The following KMT2C variants were observed in gnomAD, a reference collection of about 807,000 sequenced individuals.
KMT2C encodes lysine methyltransferase 2C.
In KMT2C, 88 loss-of-function variants were observed where a neutral mutation model predicts 507.9. The observed-to-expected ratio is 0.17, with a 90% confidence interval of 0.15 to 0.21. The LOEUF (loss-of-function observed/expected upper bound fraction) is 0.21. KMT2C is among the 10% of genes least tolerant of loss of function. KMT2C has a pLI of 1.00. For missense variants in KMT2C, 4,954 were observed against 5,957.8 expected, an observed-to-expected ratio of 0.83 and a Z score of 5.55; for synonymous variants, 2,049 against 2,080.8, an observed-to-expected ratio of 0.98 and a Z score of 0.42.
At chr7:152,143,069 A>C (rs1346565361) in intron 55 of KMT2C, among the ~76,000 whole-genome samples, 1 of 152,180 alleles carries the variant, frequency 6.6e-6, no homozygotes, top group African/African-American at 2.4e-5. Context: ...CAGTAAAAGC[A>C]CACTCCTCGA....
chr7:152,285,993 A>G (rs2096290238), intron 6 of KMT2C, among the ~76,000 whole-genome samples: 1 of 152,298 alleles, frequency 6.6e-6, no homozygotes, highest in Non-Finnish European at 1.5e-5. Flanking sequence ...AAGAAAAGAA[A>G]AGAAAATTCT....
chr7:152,136,734 G>A lies in KMT2C; in HGVS notation c.*98C>T. On this transcript the variant is annotated 3_prime_UTR_variant, in exon 59 of 59. Transcript: ENST00000262189. ...AGCTTTTTCAAAAAGTCATAAAACAGAAAACAAAAATCTCTTTCTGTCTGC... is the reference window on the plus strand; with the variant it reads ...AGCTTTTTCAAAAAGTCATAAAACAAAAAACAAAAATCTCTTTCTGTCTGC... 1 of 895,968 alleles carries A rather than the reference G, an allele frequency of 1.1e-6. No individual in the cohort carries two copies. The highest frequency in any genetic ancestry group is 1.8e-5 in the Admixed American group (1 of 54,216). 55.5% of individuals were successfully genotyped at this position (895,968 alleles called of 1,614,324 possible). A position where few individuals can be genotyped will look rare whatever the true frequency, so the allele number is the denominator to read the frequency against.
At chr7:152,261,976 C>T (rs1490301620) in intron 9 of KMT2C, among the ~76,000 whole-genome samples, 5 of 152,054 alleles carry the variant, frequency 3.3e-5, no homozygotes, top group Non-Finnish European at 5.9e-5. Context: ...CTTTTTCCCC[C>T]CAGGAGAGAA....
chr7:152,223,154 T>C (rs2094826864), intron 20 of KMT2C, among the ~76,000 whole-genome samples: 1 of 152,034 alleles, frequency 6.6e-6, no homozygotes, highest in Non-Finnish European at 1.5e-5. Flanking sequence ...GTAGCCAGAG[T>C]CCCAAGAATA....
chr7:152,417,587 T>C (rs1050212323), intron 1 of KMT2C, among the ~76,000 whole-genome samples: 6 of 152,226 alleles, frequency 3.9e-5, no homozygotes, highest in East Asian at 3.9e-4. Context: ...AATAAGCAAA[T>C]AGACATTAGA....
In KMT2C at chr7:152,221,986, C is replaced by G. The variant is rs2129146545; in HGVS notation, c.3499+15G>C. 1 of 1,574,304 alleles carries G rather than the reference C, an allele frequency of 6.4e-7. No homozygotes were observed. Among genetic ancestry groups the G allele is most frequent in the Middle Eastern group, 1.7e-4 (1 of 5,978 alleles). On this transcript the variant is annotated intron_variant, in intron 22 of 58. Coordinates refer to ENST00000262189, the MANE Select transcript of KMT2C (RefSeq NM_170606.3). ...AGTAAATTAATTAAATCAAGTAAAG[C>G]ATTTCAAATTTTACCTAGCTCTTTT...
Position 152,195,986 on chromosome 7 carries a change from A to G in KMT2C, c.4299T>C (p.Asp1433=), listed in dbSNP as rs758536426. 1.9e-6 allele frequency: 3 copies of G among 1,607,384 alleles called. No homozygotes were observed. Among genetic ancestry groups the G allele is most frequent in the Non-Finnish European group, 2.6e-6 (3 of 1,174,944 alleles). The change falls in exon 28 of 59, where the codon GAT becomes GAC. Residue 1433 remains aspartate (D), a synonymous_variant. Transcript: ENST00000262189. ...THGPADDPLA[D]ISEVLNTDDD... ...CATCTGTGTTTAAAACTTCAGAAAT[A>G]TCAGCTAATGGGTCATCAGCAGGAC...
At chr7:152,287,851 C>G (rs539833833) in intron 6 of KMT2C, among the ~76,000 whole-genome samples, 1 of 151,312 alleles carries the variant, frequency 6.6e-6, no homozygotes, top group East Asian at 2.0e-4. Flanking sequence ...TCATGAAACC[C>G]CATCTCTACT....
In KMT2C at chr7:152,254,579, C is replaced by T. The variant is rs2095614603; in HGVS notation, c.1300-1864G>A. On this transcript the variant is annotated intron_variant, in intron 9 of 58. Coordinates refer to ENST00000262189, the MANE Select transcript of KMT2C (RefSeq NM_170606.3). ...AAAGTAAAAATGGATGGGTATTTCT[C>T]TAATGTGACCAACATAAATACTTCA... Among the ~76,000 whole-genome samples, 5 of 152,132 alleles carry T rather than the reference C, an allele frequency of 3.3e-5. No individual in the cohort carries two copies. The South Asian group carries it at 1.0e-3, about 31-fold the overall frequency.
At position 152,280,408 on chromosome 7, in the gene KMT2C, C is replaced by T. The variant is rs374169826; in HGVS notation, c.850-6541G>A. On this transcript the variant is annotated intron_variant, in intron 6 of 58. Coordinates refer to ENST00000262189, the MANE Select transcript of KMT2C (RefSeq NM_170606.3). ...ATAAAAATAAAAAAAAAAAATTAGC[C>T]GGCGTGGTGGCGCACGCCTGTAATC... 4.6e-5 allele frequency among the ~76,000 whole-genome samples: 7 copies of T among 152,272 alleles called. No homozygotes were observed. In the East Asian group the frequency reaches 7.7e-4, roughly 17 times the overall value.
intron 18 of KMT2C, among the ~76,000 whole-genome samples, chr7:152,225,723 A>AG (rs1273853504): frequency 1.4e-4 from 21 of 152,352 alleles, no homozygotes; most frequent in African/African-American, 5.0e-4. Context: ...CAACATACCT[A>AG]GAAGCCACTG....
chr7:152,209,281 C>G (rs1345710894), intron 23 of KMT2C, among the ~76,000 whole-genome samples: 1 of 151,302 alleles, frequency 6.6e-6, no homozygotes, highest in Non-Finnish European at 1.5e-5. Flanking sequence ...ACAGTGAAAC[C>G]CTGTCTCTAC....
At chr7:152,371,264 A>G (rs2097291296) in intron 1 of KMT2C, among the ~76,000 whole-genome samples, 1 of 152,226 alleles carries the variant, frequency 6.6e-6, no homozygotes, top group South Asian at 2.1e-4. Context: ...AAAATGTGAA[A>G]GGAGACGTTA....
chr7:152,227,969 G>A (rs944635204), intron 18 of KMT2C, among the ~76,000 whole-genome samples: 2 of 152,212 alleles, frequency 1.3e-5, no homozygotes, highest in Non-Finnish European at 2.9e-5. Context: ...ATTAATGCTA[G>A]GACCGCAGCT....
chr7:152,360,575 T>C (rs1195307223), intron 1 of KMT2C, among the ~76,000 whole-genome samples: 3 of 151,998 alleles, frequency 2.0e-5, no homozygotes, highest in Admixed American at 1.3e-4. Context: ...GGCTCACACC[T>C]GTAATCCCAG....
chr7:152,336,585 A>G (rs1019812090), intron 2 of KMT2C, among the ~76,000 whole-genome samples: 3 of 152,138 alleles, frequency 2.0e-5, no homozygotes, highest in African/African-American at 7.2e-5. Context: ...ATACTATCCT[A>G]TGCTTTGCCT....
intron 1 of KMT2C, among the ~76,000 whole-genome samples, chr7:152,428,663 A>G (rs192761177): frequency 1.3e-5 from 2 of 151,780 alleles, no homozygotes; most frequent in Non-Finnish European, 2.9e-5. Context: ...TAAAAATCCA[A>G]ATTTCCGCCC....
chr7:152,365,537 T>C (rs760880087), intron 1 of KMT2C, among the ~76,000 whole-genome samples: 6 of 152,172 alleles, frequency 3.9e-5, no homozygotes, highest in African/African-American at 9.7e-5. Flanking sequence ...AACAGTTAAC[T>C]AAAAACTTCC....
At chr7:152,346,887 G>A (rs2129223480) in intron 2 of KMT2C, among the ~76,000 whole-genome samples, 1 of 152,332 alleles carries the variant, frequency 6.6e-6, no homozygotes, top group Admixed American at 6.5e-5. Flanking sequence ...AGCACTCTGG[G>A]AGGCCGAGGC....
Sources: gnomAD v4.1 joint callset for allele counts (sites outside exome capture counted in the v4.1 genomes callset) on GRCh38, gnomAD v4.1.1 for gene constraint, MANE v1.5 for transcripts, NCBI Gene and HGNC (gene_info 2026-07-23, HGNC 2026-07-21) for gene names.